The following WWOX variants were observed in gnomAD, a reference collection of about 807,000 sequenced individuals.
WWOX encodes the protein WW domain-containing oxidoreductase.
A neutral mutation model predicts 46.2 loss-of-function variants in WWOX; 69 were observed. That is an observed-to-expected ratio of 1.49 (90% confidence interval 1.23 to 1.82). WWOX has a LOEUF of 1.82. WWOX is among the 40% of genes most tolerant of loss of function. WWOX has a pLI of 0.00. For missense variants in WWOX, 919 were observed against 542.6 expected (o/e 1.69, Z -6.89); for synonymous variants, 359 against 202.6 (o/e 1.77, Z -6.56).
chr16:78,661,146 A>C (rs886608184), intron 8 of WWOX, among the ~76,000 whole-genome samples: 1 of 152,156 alleles, frequency 6.6e-6, no homozygotes, highest in Non-Finnish European at 1.5e-5. Flanking sequence ...GAAACAATTA[A>C]CTTCACCAAA....
intron 5 of WWOX, among the ~76,000 whole-genome samples, chr16:78,312,461 T>G (rs778971799): frequency 8.1e-5 from 12 of 148,810 alleles, no homozygotes; most frequent in Non-Finnish European, 1.6e-4. Context: ...CACTGCAACC[T>G]CCACCTCCTG....
chr16:78,954,524 C>T (rs540628032), intron 8 of WWOX, among the ~76,000 whole-genome samples: 1 of 152,304 alleles, frequency 6.6e-6, no homozygotes, highest in Admixed American at 6.5e-5. Flanking sequence ...AATAAGGGAG[C>T]TGCCCAAATG....
At chr16:79,066,358 G>C (rs1043861231) in intron 8 of WWOX, among the ~76,000 whole-genome samples, 1 of 152,104 alleles carries the variant, frequency 6.6e-6, no homozygotes, top group Non-Finnish European at 1.5e-5. Context: ...TCACCCAGTG[G>C]GACATAGTAG....
chr16:78,176,790 T>G (rs2035361639), intron 5 of WWOX, among the ~76,000 whole-genome samples: 1 of 152,102 alleles, frequency 6.6e-6, no homozygotes, highest in African/African-American at 2.4e-5. Context: ...TACATCAAAT[T>G]GCAAGCAATA....
chr16:78,893,540 C>T (rs1036754072), intron 8 of WWOX, among the ~76,000 whole-genome samples: 12 of 152,224 alleles, frequency 7.9e-5, no homozygotes, highest in African/African-American at 2.9e-4. Context: ...CCTCCACCCA[C>T]TCCTCTCTCA....
chr16:79,016,058 C>T (rs2047406140), intron 8 of WWOX: 1 of 152,212 alleles, frequency 6.6e-6, no homozygotes, highest in African/African-American at 2.4e-5. Flanking sequence ...CTGATCCTGA[C>T]TTAGTTACGG....
At chr16:78,925,643 C>A (rs1384044405) in intron 8 of WWOX, among the ~76,000 whole-genome samples, 3 of 152,226 alleles carry the variant, frequency 2.0e-5, no homozygotes, top group African/African-American at 7.2e-5. Context: ...GTACAGAACT[C>A]TTTTCCTCAA....
At chr16:78,561,150 G>C (rs541440409) in intron 8 of WWOX, among the ~76,000 whole-genome samples, 143 of 152,270 alleles carry the variant, frequency 9.4e-4, no homozygotes, top group Middle Eastern at 6.8e-3. Flanking sequence ...TCTGCTGGTG[G>C]CTGCCCTCAG....
chr16:78,901,557 G>C (rs1161402054), intron 8 of WWOX, among the ~76,000 whole-genome samples: 1 of 152,104 alleles, frequency 6.6e-6, no homozygotes, highest in African/African-American at 2.4e-5. Context: ...GTAGGATCTT[G>C]GTTCACTGCA....
At chr16:78,156,008 G>T (rs574889390) in intron 4 of WWOX, among the ~76,000 whole-genome samples, 4 of 152,132 alleles carry the variant, frequency 2.6e-5, no homozygotes, top group Non-Finnish European at 4.4e-5. Context: ...TGTTCCAAAG[G>T]CAATTGTAAA....
At chr16:78,845,914 G>A (rs1422606043) in intron 8 of WWOX, among the ~76,000 whole-genome samples, 1 of 152,150 alleles carries the variant, frequency 6.6e-6, no homozygotes, top group Non-Finnish European at 1.5e-5. Flanking sequence ...AGGTAGATGG[G>A]TTTATGCCTA....
At chr16:78,249,427 G>A (rs905545179) in intron 5 of WWOX, among the ~76,000 whole-genome samples, 1 of 152,204 alleles carries the variant, frequency 6.6e-6, no homozygotes, top group African/African-American at 2.4e-5. Flanking sequence ...TCCAGTGCAC[G>A]CCGCATTAGC....
At chr16:78,125,026 T>C (rs539190332) in intron 4 of WWOX, among the ~76,000 whole-genome samples, 84 of 152,346 alleles carry the variant, frequency 5.5e-4, no homozygotes, top group Non-Finnish European at 1.0e-3. Flanking sequence ...TCAAATTTCT[T>C]CTGTAGTTGC....
intron 8 of WWOX, among the ~76,000 whole-genome samples, chr16:79,118,121 A>G (rs757840223): frequency 3.3e-4 from 51 of 152,326 alleles, no homozygotes; most frequent in Admixed American, 4.6e-4. Flanking sequence ...AATCACTTCT[A>G]GCTTTTGATT....
chr16:78,728,581 A>C (rs1271707394), intron 8 of WWOX, among the ~76,000 whole-genome samples: 1 of 152,178 alleles, frequency 6.6e-6, no homozygotes, highest in Non-Finnish European at 1.5e-5. Context: ...TAAGTAGTCA[A>C]GTGACACCTT....
rs34753254 is a variant in WWOX at position 78,858,330 on chromosome 16, A to ATGTGTG, written c.1057-353266_1057-353261dup. Among the ~76,000 whole-genome samples the ATGTGTG allele has an allele frequency of 6.3e-3, 946 of 149,918 alleles. 7 individuals are homozygous for ATGTGTG. The highest frequency in any genetic ancestry group is 0.02 in the African/African-American group (821 of 40,800). On this transcript the variant is annotated intron_variant, in intron 8 of 8. Coordinates refer to ENST00000566780, the MANE Select transcript of WWOX (RefSeq NM_016373.4). ...ACCCAATATGTAGTCATATATATAT[A>ATGTGTG]TGTGTGTGTGTGTGTGTATGTATAT...
At chr16:78,156,865 A>G (rs1414312992) in intron 4 of WWOX, among the ~76,000 whole-genome samples, 5 of 152,144 alleles carry the variant, frequency 3.3e-5, no homozygotes, top group Non-Finnish European at 2.9e-5. Flanking sequence ...TGGAGGTTCT[A>G]GTGAGCAGAG....
At chr16:79,087,204 T>C (rs1176913108) in intron 8 of WWOX, among the ~76,000 whole-genome samples, 1 of 152,210 alleles carries the variant, frequency 6.6e-6, no homozygotes, top group East Asian at 1.9e-4. Context: ...TTTCAAGCCC[T>C]TCACCTAAAT....
chr16:78,352,266 C>G (rs73567110), intron 5 of WWOX, among the ~76,000 whole-genome samples: 2,002 of 152,278 alleles, frequency 0.013, 52 homozygotes, highest in African/African-American at 0.046. Flanking sequence ...TGTTTCCTAT[C>G]TCTGCTGTAA....
Sources: allele counts gnomAD v4.1 joint callset (sites outside exome capture counted in the v4.1 genomes callset), GRCh38; gene constraint gnomAD v4.1.1; transcripts MANE v1.5; gene names NCBI Gene and HGNC (gene_info 2026-07-23, HGNC 2026-07-21).